Variants in MYO6 observed in about 807,000 individuals in gnomAD.
The protein encoded by MYO6 is myosin VI, also known as unconventional myosin-VI.
MYO6 carries 74 observed loss-of-function variants against 178.7 expected under a neutral mutation model. The observed-to-expected ratio is 0.41, with a 90% CI of 0.34 to 0.50. The LOEUF (loss-of-function observed/expected upper bound fraction) is 0.50, where lower values mean the gene tolerates loss of function less well. MYO6 is among the 20% of genes least tolerant of loss of function. MYO6 has a pLI of 0.09. For missense variants in MYO6, 1,330 were observed against 1,547.4 expected, an observed-to-expected ratio of 0.86 and a Z score of 2.36; for synonymous variants, 477 against 504.6, an observed-to-expected ratio of 0.95 and a Z score of 0.73.
At chr6:75,821,143 TTTTAGCCTGCTC>T (rs1478535055) in intron 2 of MYO6, among the ~76,000 whole-genome samples, 1 of 152,162 alleles carries the variant, frequency 6.6e-6, no homozygotes, top group African/African-American at 2.4e-5. Context: ...CTTACTGGCC[TTTTAGCCTGCTC>T]TTAACTTTCT....
At chr6:75,759,465 G>A (rs1412540119) in intron 1 of MYO6, among the ~76,000 whole-genome samples, 7 of 152,156 alleles carry the variant, frequency 4.6e-5, no homozygotes, top group African/African-American at 7.2e-5. Flanking sequence ...AGGGAGCTGC[G>A]GTTTTGAAGC....
intron 7 of MYO6, among the ~76,000 whole-genome samples, chr6:75,836,952 T>A (rs1028210422): frequency 2.6e-5 from 4 of 152,228 alleles, no homozygotes; most frequent in African/African-American, 4.8e-5. Context: ...CCTAGATTCA[T>A]AACATCACCC....
intron 1 of MYO6, among the ~76,000 whole-genome samples, chr6:75,778,316 C>T (rs371143140): frequency 3.3e-5 from 5 of 152,098 alleles, no homozygotes; most frequent in South Asian, 2.1e-4. Context: ...AATTTCTGGC[C>T]GGGCACAGTG....
Position 75,830,434 on chromosome 6 carries a change from C to T in MYO6, c.280C>T (p.Leu94=). 6.2e-7 allele frequency: 1 copy of T among 1,611,662 alleles called. No homozygotes were observed. ...DRIYTYVANI[L]IAVNPYFDIP... ...TATTTAGACATATGTCGCCAACATT[C>T]TGATTGCAGTGAATCCATACTTTGA... Residue 94 remains leucine, a synonymous_variant, in exon 5 of 35, where the codon CTG becomes TTG. Transcript: ENST00000369977.
chr6:75,763,031 T>G (rs915727166), intron 1 of MYO6, among the ~76,000 whole-genome samples: 1 of 151,236 alleles, frequency 6.6e-6, no homozygotes, highest in Non-Finnish European at 1.5e-5. Flanking sequence ...CTGTAATTTT[T>G]TTTTTTTTTT....
chr6:75,828,612 A>AT lies in MYO6; in HGVS notation c.261dup (p.Thr88TyrfsTer15). 6.4e-7 allele frequency: 1 copy of AT among 1,551,956 alleles called. No homozygotes were observed. Among genetic ancestry groups the AT allele is most frequent in the Non-Finnish European group, 8.9e-7 (1 of 1,123,874 alleles). ...GTTCGATATAGTAAAGACAGAATTT[A>AT]TGTAAGTATTTTACCTGTAGTGTAA... On this transcript the variant is annotated frameshift_variant and splice_region_variant, in exon 4 of 35. Coordinates refer to ENST00000369977, the MANE Select transcript of MYO6 (RefSeq NM_004999.4). LOFTEE classifies it high-confidence loss of function.
At chr6:75,902,186 C>G (rs1779842217) in intron 30 of MYO6, among the ~76,000 whole-genome samples, 1 of 152,084 alleles carries the variant, frequency 6.6e-6, no homozygotes, top group Middle Eastern at 3.2e-3. Context: ...CTAAAATTCT[C>G]TTTTTTGGTT....
At chr6:75,855,107 TATTA>T in intron 11 of MYO6, 28 bp from the exon 12 acceptor site, 1 of 1,530,806 alleles carries the variant, frequency 6.5e-7, no homozygotes, top group African/African-American at 1.4e-5. Flanking sequence ...ATATAATACT[TATTA>T]ATTTCAATGA....
At chr6:75,883,819 A>T (rs1450149890) in intron 23 of MYO6, among the ~76,000 whole-genome samples, 1 of 152,222 alleles carries the variant, frequency 6.6e-6, no homozygotes, top group Non-Finnish European at 1.5e-5. Context: ...AGTGCTAGGT[A>T]CATGAAAAGG....
chr6:75,761,371 A>G (rs1777929814), intron 1 of MYO6, among the ~76,000 whole-genome samples: 1 of 152,202 alleles, frequency 6.6e-6, no homozygotes, highest in South Asian at 2.1e-4. Flanking sequence ...AGCTGTCACG[A>G]CAGATGTTTT....
intron 30 of MYO6, among the ~76,000 whole-genome samples, chr6:75,907,237 G>A (rs1475135046): frequency 1.3e-5 from 2 of 152,206 alleles, no homozygotes; most frequent in African/African-American, 2.4e-5. Context: ...TCTTTCAAGT[G>A]TGTTGAGGAT....
At chr6:75,822,059 T>C (rs1340658954) in intron 2 of MYO6, among the ~76,000 whole-genome samples, 2 of 152,182 alleles carry the variant, frequency 1.3e-5, no homozygotes, top group African/African-American at 2.4e-5. Flanking sequence ...TGATTGAATG[T>C]TATTTTTTTC....
At chr6:75,854,408 A>T (rs1370889732) in intron 11 of MYO6, among the ~76,000 whole-genome samples, 1 of 148,798 alleles carries the variant, frequency 6.7e-6, no homozygotes, top group Non-Finnish European at 1.5e-5. Context: ...AAGCATTTGT[A>T]CTGATCTCTA....
rs1777881219 is a variant in MYO6, at chr6:75,879,904, A to G, written c.2162A>G (p.Tyr721Cys). Residue 721 changes from tyrosine (Y) to cysteine (C), a missense_variant, in exon 21 of 35, where the codon TAT becomes TGT. Tyr to Cys is a radical substitution (Grantham distance 194, BLOSUM62 -2). Coordinates refer to ENST00000369977, the MANE Select transcript of MYO6 (RefSeq NM_004999.4). ...GAACTCTACAACATGTACAAAAAGT[A>G]TATGCCAGATAAACTTGCAAGATTG... ...FHELYNMYKK[Y>C]MPDKLARLDP... 4.3e-6 allele frequency: 7 copies of G among 1,614,052 alleles called. No homozygotes were observed. Among genetic ancestry groups the G allele is most frequent in the African/African-American group, 1.3e-5 (1 of 74,934 alleles).
At chr6:75,759,598 A>G (rs1777774428) in intron 1 of MYO6, among the ~76,000 whole-genome samples, 1 of 151,070 alleles carries the variant, frequency 6.6e-6, no homozygotes, top group African/African-American at 2.4e-5. Flanking sequence ...TTTAAAGCTC[A>G]TTCTCCCAGT....
At position 75,915,000 on chromosome 6, in the gene MYO6, T is replaced by C. The variant is rs1582024804; in HGVS notation, c.3846T>C (p.Ser1282=). The C allele has an allele frequency of 1.2e-6, 2 of 1,612,350 alleles. No individual in the cohort carries two copies. Among genetic ancestry groups the C allele is most frequent in the African/African-American group, 2.7e-5 (2 of 74,824 alleles). ...CCTATGCAACAGCCATGCTGCAGAG[T>C]CTGTTAAAGTAGATGTTGCACACCA... ...RPTYATAMLQ[S]LLK The change falls in exon 35 of 35, where the codon AGT becomes AGC. Residue 1282 remains serine (S), a synonymous_variant. Transcript: ENST00000369977.
chr6:75,752,539 C>T (rs1776988228), intron 1 of MYO6, among the ~76,000 whole-genome samples: 1 of 152,160 alleles, frequency 6.6e-6, no homozygotes, highest in South Asian at 2.1e-4. Context: ...CCACGAAGCC[C>T]CTGTTTTTTC....
rs757420692 is a variant in MYO6 at position 75,822,842 on chromosome 6, G to C, written c.178G>C (p.Glu60Gln). 28 of 1,612,412 alleles carry C rather than the reference G, an allele frequency of 1.7e-5. No homozygotes were observed. The Middle Eastern group carries it at 2.0e-3, about 114-fold the overall frequency. The change falls in exon 3 of 35, where the codon GAA (glutamate) becomes CAA (glutamine). Residue 60 changes from glutamate to glutamine, a missense_variant. Transcript: ENST00000369977. The stretch of plus-strand genomic sequence containing the variant: ...AGAAGAGGACAGTAAAAAAGATGTG[G>C]AAGATAACTGTAAGTACCAAGTTAA... ...PAEEDSKKDV[E>Q]DNCSLMYLNE... is the part of the protein sequence containing the mutation.
intron 20 of MYO6, among the ~76,000 whole-genome samples, chr6:75,874,722 C>T (rs963480215): frequency 6.6e-6 from 1 of 152,226 alleles, no homozygotes; most frequent in Non-Finnish European, 1.5e-5. Context: ...AATCTCATCT[C>T]TAAGCCACAT....
Sources: allele counts gnomAD v4.1 joint callset (sites outside exome capture counted in the v4.1 genomes callset), GRCh38; gene constraint gnomAD v4.1.1; transcripts MANE v1.5; gene names NCBI Gene and HGNC (gene_info 2026-07-23, HGNC 2026-07-21).